Variants in SOBP observed in about 807,000 individuals in gnomAD.
SOBP encodes sine oculis-binding protein homolog.
SOBP carries 4 observed loss-of-function variants against 53.6 expected under a neutral mutation model. The ratio of observed to expected loss-of-function variants is 0.07; its 90% CI spans 0.04 to 0.17. The LOEUF (loss-of-function observed/expected upper bound fraction) is 0.17, where lower values mean the gene tolerates loss of function less well. Ranked by LOEUF, SOBP falls within the 10% of genes least tolerant of loss-of-function variation. SOBP has a pLI of 1.00. For missense variants in SOBP, 1,088 were observed against 1,204.7 expected, an observed-to-expected ratio of 0.90 and a Z score of 1.43; for synonymous variants, 584 against 522.6, an observed-to-expected ratio of 1.12 and a Z score of -1.60.
intron 5 of SOBP, among the ~76,000 whole-genome samples, chr6:107,603,332 G>A (rs1427260255): frequency 1.3e-5 from 2 of 152,192 alleles, no homozygotes; most frequent in African/African-American, 2.4e-5. Flanking sequence ...GTACTTTCAA[G>A]GTGTGTCCTT....
At chr6:107,616,289 A>G (rs1313700147) in intron 5 of SOBP, among the ~76,000 whole-genome samples, 2 of 152,150 alleles carry the variant, frequency 1.3e-5, no homozygotes, top group Non-Finnish European at 2.9e-5. Context: ...GCTTTCCTGG[A>G]CCAGCCCTGA....
At chr6:107,531,658 T>G (rs1476271207) in intron 3 of SOBP, among the ~76,000 whole-genome samples, 1 of 152,128 alleles carries the variant, frequency 6.6e-6, no homozygotes, top group Non-Finnish European at 1.5e-5. Flanking sequence ...TCCTGAAATA[T>G]CAAAAAGCTT....
intron 1 of SOBP, among the ~76,000 whole-genome samples, chr6:107,502,774 T>G (rs1782877155): frequency 1.3e-5 from 2 of 152,168 alleles, no homozygotes; most frequent in Non-Finnish European, 2.9e-5. Flanking sequence ...AAAAAAAATT[T>G]TTTTGAGATG....
intron 4 of SOBP, among the ~76,000 whole-genome samples, chr6:107,566,347 T>C (rs901417449): frequency 4.6e-5 from 7 of 152,226 alleles, no homozygotes; most frequent in Non-Finnish European, 8.8e-5. Context: ...GTTTGTTCAC[T>C]TGAGACTCTT....
At position 107,659,408 on chromosome 6, in the gene SOBP, G is replaced by A. The variant is rs1349697535; in HGVS notation, c.*1205G>A. The A allele has an allele frequency of 2.0e-5, 3 of 152,226 alleles. No homozygotes were observed. The highest frequency in any genetic ancestry group is 6.6e-5 in the Admixed American group (1 of 15,246). 9.4% of individuals were successfully genotyped at this position (152,226 alleles called of 1,614,324 possible). On this transcript the variant is annotated 3_prime_UTR_variant, in exon 7 of 7. Transcript: ENST00000317357. The stretch of plus-strand genomic sequence containing the variant: ...GCTGCGAGTCCAGAAGTCCTCTAGA[G>A]CATGTGTACTGGCACTGAGTTGGTG...
intron 6 of SOBP, among the ~76,000 whole-genome samples, chr6:107,649,219 A>G (rs1771695155): frequency 6.7e-6 from 1 of 149,094 alleles, no homozygotes; most frequent in South Asian, 2.1e-4. Flanking sequence ...CATGCCTGTA[A>G]TCCCAGCACT....
At chr6:107,524,769 AC>A (rs1390018605) in intron 3 of SOBP, among the ~76,000 whole-genome samples, 4 of 152,186 alleles carry the variant, frequency 2.6e-5, no homozygotes, top group Non-Finnish European at 4.4e-5. Flanking sequence ...AAGAGAAGAA[AC>A]CTTCCTGATA....
chr6:107,634,343 C>A lies in SOBP; in HGVS notation c.1499C>A (p.Pro500Gln). 6.3e-7 allele frequency: 1 copy of A among 1,588,946 alleles called. No individual in the cohort carries two copies. The highest frequency in any genetic ancestry group is 1.3e-5 in the African/African-American group (1 of 74,554). The change falls in exon 6 of 7, where the codon CCG (proline) becomes CAG (glutamine). Residue 500 changes from proline (P) to glutamine (Q), a missense_variant. Pro to Gln is a moderately conservative substitution (Grantham distance 76). This residue lies in a region of SOBP where 665 missense variants were observed against 629.7 expected (regional missense o/e 1.06). Coordinates refer to ENST00000317357, the MANE Select transcript of SOBP (RefSeq NM_018013.4). The surrounding 1 kb of genome is among the most constrained non-coding windows in gnomAD (Gnocchi z 4.5). Reference protein sequence around the residue: ...FPPVSMMPNGPMPVPQMMNFG... With the variant: ...FPPVSMMPNGQMPVPQMMNFG... ...CCAGTGAGCATGATGCCAAATGGCCCGATGCCGGTGCCCCAGATGATGAAT... is the reference window on the plus strand; with the variant it reads ...CCAGTGAGCATGATGCCAAATGGCCAGATGCCGGTGCCCCAGATGATGAAT...
At chr6:107,589,852 C>T (rs911446719) in intron 5 of SOBP, among the ~76,000 whole-genome samples, 12 of 152,210 alleles carry the variant, frequency 7.9e-5, no homozygotes, top group African/African-American at 2.4e-4. Context: ...TGCGCACACA[C>T]GTGCACACAC....
intron 1 of SOBP, among the ~76,000 whole-genome samples, chr6:107,491,062 G>A (rs2114927755): frequency 6.6e-6 from 1 of 152,162 alleles, no homozygotes; most frequent in African/African-American, 2.4e-5. Flanking sequence ...CCCTTTTTGA[G>A]AATCATCCTC....
intron 3 of SOBP, among the ~76,000 whole-genome samples, chr6:107,518,681 G>T (rs79892824): frequency 0.1 from 15,450 of 150,604 alleles, 1,004 homozygotes; most frequent in East Asian, 0.25. Flanking sequence ...GCTTAGGTGG[G>T]TAAGTGTAGG....
Position 107,548,349 on chromosome 6 carries a change from G to T in SOBP, c.573+14739G>T, listed in dbSNP as rs1336598408. ...GCTCACTGCAAGTTCCACCTCCTGG[G>T]TTCCTGCCTCAGCCTCCCGAGCAGC... On this transcript the variant is annotated intron_variant, in intron 4 of 6. Coordinates refer to ENST00000317357, the MANE Select transcript of SOBP (RefSeq NM_018013.4). 5.9e-5 allele frequency among the ~76,000 whole-genome samples: 9 copies of T among 151,336 alleles called. No homozygotes were observed. In the East Asian group the frequency reaches 1.7e-3, roughly 29 times the overall value.
chr6:107,574,734 G>A (rs1477162172), intron 4 of SOBP, among the ~76,000 whole-genome samples: 2 of 152,102 alleles, frequency 1.3e-5, no homozygotes, highest in East Asian at 1.9e-4. Context: ...CAGAACACAT[G>A]GAGAGTCCAC....
chr6:107,638,345 G>A (rs1771149294), intron 6 of SOBP, among the ~76,000 whole-genome samples: 1 of 152,186 alleles, frequency 6.6e-6, no homozygotes, highest in Non-Finnish European at 1.5e-5. Context: ...TGAGTAGCTG[G>A]GGTTATAGCC....
At chr6:107,614,029 T>C (rs1786693208) in intron 5 of SOBP, among the ~76,000 whole-genome samples, 1 of 152,218 alleles carries the variant, frequency 6.6e-6, no homozygotes, top group African/African-American at 2.4e-5. Context: ...TCATCTTGTG[T>C]CACATGTTAA....
At chr6:107,612,614 T>A (rs578167751) in intron 5 of SOBP, among the ~76,000 whole-genome samples, 29 of 152,188 alleles carry the variant, frequency 1.9e-4, no homozygotes, top group Non-Finnish European at 3.7e-4. Flanking sequence ...GTTATATATA[T>A]AAAACATAGC....
intron 1 of SOBP, among the ~76,000 whole-genome samples, chr6:107,492,271 C>A (rs893597529): frequency 1.3e-5 from 2 of 151,966 alleles, no homozygotes; most frequent in African/African-American, 4.8e-5. Flanking sequence ...CCCTTACCTC[C>A]TGTCCTGCAT....
At chr6:107,563,603 G>A (rs915802048) in intron 4 of SOBP, among the ~76,000 whole-genome samples, 1 of 150,876 alleles carries the variant, frequency 6.6e-6, no homozygotes, top group African/African-American at 2.4e-5. Context: ...TGAGGTAAAA[G>A]AAAGATTATA....
chr6:107,568,006 G>A (rs547520082), intron 4 of SOBP, among the ~76,000 whole-genome samples: 5 of 152,280 alleles, frequency 3.3e-5, no homozygotes, highest in South Asian at 4.1e-4. Context: ...TAAAAGGTAC[G>A]TTTTAAGAAC....
Sources: allele counts gnomAD v4.1 joint callset (sites outside exome capture counted in the v4.1 genomes callset), GRCh38; gene constraint gnomAD v4.1.1; regional missense constraint gnomAD v4.1.1; non-coding constraint Gnocchi (gnomAD v3.1); transcripts MANE v1.5; gene names NCBI Gene and HGNC (gene_info 2026-07-23, HGNC 2026-07-21).